Variants in YBX1 observed in about 807,000 individuals in gnomAD.
YBX1 encodes the protein Y-box-binding protein 1.
A neutral mutation model predicts 41.4 loss-of-function variants in YBX1; 3 were observed. The ratio of observed to expected loss-of-function variants is 0.07; its 90% CI spans 0.03 to 0.19. The LOEUF is 0.19. Among genes scored for constraint, YBX1 ranks in the 10% least tolerant of loss-of-function variants. The pLI, the probability that YBX1 is intolerant of heterozygous loss-of-function variation, is 1.00. For synonymous variants in YBX1, 133 were observed against 165.8 expected, an observed-to-expected ratio of 0.80 and a Z score of 1.52; for missense variants, 274 against 462.8, an observed-to-expected ratio of 0.59 and a Z score of 3.74.
At chr1:42,698,863 A>G (rs2148742032) in intron 6 of YBX1, among the ~76,000 whole-genome samples, 1 of 152,318 alleles carries the variant, frequency 6.6e-6, no homozygotes, top group Middle Eastern at 3.4e-3. Flanking sequence ...AGACTTTCCA[A>G]ACTGTGCAGG....
chr1:42,703,189 G>A lies in YBX1; in HGVS notation c.*1240G>A, dbSNP rs1650648368. Among the ~76,000 whole-genome samples, 1 of 152,132 alleles carries A rather than the reference G, an allele frequency of 6.6e-6. No individual in the cohort carries two copies. Among genetic ancestry groups the A allele is most frequent in the Non-Finnish European group, 1.5e-5 (1 of 68,012 alleles). On this transcript the variant is annotated 3_prime_UTR_variant, in exon 8 of 8. Coordinates refer to ENST00000321358, the MANE Select transcript of YBX1 (RefSeq NM_004559.5). The stretch of plus-strand genomic sequence containing the variant: ...TCCGCCCGCCTCAGCCTCCCAAAGT[G>A]CTGGGATTACAGGTGTGAGCCACCG...
intron 6 of YBX1, 30 bp from the exon 7 acceptor site, chr1:42,700,748 TATC>T (rs1650578235): frequency 6.4e-7 from 1 of 1,574,428 alleles, no homozygotes; most frequent in African/African-American, 1.4e-5. Context: ...GAGAAGGTTT[TATC>T]ATTCTTAAGT....
intron 6 of YBX1, among the ~76,000 whole-genome samples, chr1:42,698,773 T>G (rs1418609491): frequency 6.6e-6 from 1 of 152,204 alleles, no homozygotes; most frequent in Non-Finnish European, 1.5e-5. Flanking sequence ...TGTCTACGTG[T>G]TTCAATGTTT....
chr1:42,696,908 G>C lies in YBX1; in HGVS notation c.621G>C (p.Gln207His). ...YMRRPYGRRP[Q>H]YSNPPVQGEV... The stretch of plus-strand genomic sequence containing the variant: ...GGAGACCCTATGGGCGTCGACCACA[G>C]TATTCCAACCCTCCTGTGCAGGGAG... The change falls in exon 5 of 8, where the codon CAG (glutamine) becomes CAC (histidine). Residue 207 changes from glutamine to histidine, a missense_variant. This residue lies in a region of YBX1 where 187 missense variants were observed against 306.3 expected (regional missense o/e 0.61). Transcript: ENST00000321358. This position sits in a 1 kb window ranked among gnomAD's most constrained non-coding sequence, Gnocchi z 5.7. The C allele has an allele frequency of 6.4e-7, 1 of 1,568,414 alleles. No homozygotes were observed. The highest frequency in any genetic ancestry group is 8.6e-7 in the Non-Finnish European group (1 of 1,156,406).
chr1:42,685,608 A>AGGG (rs1650174545), intron 2 of YBX1, among the ~76,000 whole-genome samples: 1 of 152,180 alleles, frequency 6.6e-6, no homozygotes, highest in South Asian at 2.1e-4. Flanking sequence ...CTTATGAGGG[A>AGGG]GGGAGACAGA....
chr1:42,701,461 T>G (rs999917847), intron 7 of YBX1, among the ~76,000 whole-genome samples: 1 of 152,140 alleles, frequency 6.6e-6, no homozygotes, highest in African/African-American at 2.4e-5. Flanking sequence ...TTAACCTAGA[T>G]GGTGACAAAT....
chr1:42,682,737 G>A lies in YBX1; in HGVS notation c.166+6G>A. ...CGGGGACAAGAAGGTCATCGGTGAG[G>A]ACCGGACAGGGACGGGGGTGGGGCC... is the stretch of plus-strand genomic sequence containing the variant. On this transcript the variant is annotated splice_donor_region_variant and intron_variant, in intron 1 of 7. Transcript: ENST00000321358. 8.1e-7 allele frequency: 1 copy of A among 1,229,696 alleles called. No individual in the cohort carries two copies. The highest frequency in any genetic ancestry group is 1.0e-6 in the Non-Finnish European group (1 of 988,974). 76.2% of individuals were successfully genotyped at this position (1,229,696 alleles called of 1,614,324 possible). A position where few individuals can be genotyped will look rare whatever the true frequency, so the allele number is the denominator to read the frequency against.
In YBX1 at chr1:42,696,036, T is replaced by A. The variant is rs1421220121; in HGVS notation, c.265-163T>A. Among the ~76,000 whole-genome samples, 1 of 152,238 alleles carries A rather than the reference T, an allele frequency of 6.6e-6. No homozygotes were observed. The highest frequency in any genetic ancestry group is 1.5e-5 in the Non-Finnish European group (1 of 68,040). On this transcript the variant is annotated intron_variant, in intron 3 of 7. Coordinates refer to ENST00000321358, the MANE Select transcript of YBX1 (RefSeq NM_004559.5). This position sits in a 1 kb window ranked among gnomAD's most constrained non-coding sequence, Gnocchi z 5.7. ...GGAGTGTTTTTGTTGAAGTTGGGGATAGTGTGGTCCCCGCTTTCCTAAATT... is the reference window on the plus strand; with the variant it reads ...GGAGTGTTTTTGTTGAAGTTGGGGAAAGTGTGGTCCCCGCTTTCCTAAATT...
chr1:42,690,178 T>C (rs1041208260), intron 2 of YBX1, among the ~76,000 whole-genome samples: 4 of 151,474 alleles, frequency 2.6e-5, no homozygotes, highest in Non-Finnish European at 5.9e-5. Context: ...GCTACTGCAC[T>C]CCAGCCTAGG....
chr1:42,697,134 A>C, intron 5 of YBX1, 46 bp from the exon 6 acceptor site: 1 of 1,579,574 alleles, frequency 6.3e-7, no homozygotes, highest in Non-Finnish European at 8.6e-7. Flanking sequence ...GGGTTTTTTT[A>C]TTATATTACT....
At chr1:42,683,633 G>C (rs1285961380) in intron 2 of YBX1, among the ~76,000 whole-genome samples, 167 bp downstream of exon 2, 3 of 152,146 alleles carry the variant, frequency 2.0e-5, no homozygotes, top group African/African-American at 7.2e-5. Context: ...CCTTGATTAG[G>C]GATTAGTGGA....
intron 6 of YBX1, among the ~76,000 whole-genome samples, chr1:42,699,622 T>TG: frequency 6.6e-6 from 1 of 151,756 alleles, no homozygotes; most frequent in African/African-American, 2.4e-5. Flanking sequence ...AGGGTTGTTT[T>TG]TTTTTTTTTA....
intron 6 of YBX1, among the ~76,000 whole-genome samples, chr1:42,699,278 G>GT (rs1650537997): frequency 6.6e-6 from 1 of 152,324 alleles, no homozygotes; most frequent in African/African-American, 2.4e-5. Flanking sequence ...GAAGCCTTTG[G>GT]TTGCTAAATT....
Position 42,696,996 on chromosome 1 carries a change from T to C in YBX1, c.657+52T>C. The C allele has an allele frequency of 2.7e-6, 4 of 1,503,128 alleles. No homozygotes were observed. The highest frequency in any genetic ancestry group is 1.4e-5 in the South Asian group (1 of 72,848). The allele number at this position is 1,503,128 out of a possible 1,614,324, so 93.1% of individuals were successfully genotyped here. A position where few individuals can be genotyped will look rare whatever the true frequency, so the allele number is the denominator to read the frequency against. On this transcript the variant is annotated intron_variant, in intron 5 of 7. Transcript: ENST00000321358. The surrounding 1 kb of genome is among the most constrained non-coding windows in gnomAD (Gnocchi z 5.7). The stretch of plus-strand genomic sequence containing the variant: ...TGTGATAAGTTCTGGTAGGACTGTT[T>C]AGAGCTGTTAATTATATGGAAAGCA...
intron 2 of YBX1, among the ~76,000 whole-genome samples, chr1:42,685,921 G>GC (rs1279617914): frequency 1.3e-5 from 2 of 152,192 alleles, no homozygotes; most frequent in Non-Finnish European, 2.9e-5. Context: ...AGTAACATGA[G>GC]CATAGAGCTT....
chr1:42,686,924 A>T (rs900294981), intron 2 of YBX1, among the ~76,000 whole-genome samples: 1 of 152,190 alleles, frequency 6.6e-6, no homozygotes, highest in Non-Finnish European at 1.5e-5. Flanking sequence ...GCTGTCTCTG[A>T]AATAGACCCT....
At position 42,700,414 on chromosome 1, in the gene YBX1, G is replaced by A. The variant is rs1042949334; in HGVS notation, c.741-367G>A. Among the ~76,000 whole-genome samples the A allele has an allele frequency of 3.3e-5, 5 of 152,144 alleles. No homozygotes were observed. The East Asian group carries it at 7.7e-4, about 24-fold the overall frequency. ...AGGTCAGGAATTCAAGACCAGCCTT[G>A]GAAACATAGCAACACATCGCTACTA... On this transcript the variant is annotated intron_variant, in intron 6 of 7. Transcript: ENST00000321358.
At chr1:42,700,523 T>C (rs542828679) in intron 6 of YBX1, among the ~76,000 whole-genome samples, 1 of 150,326 alleles carries the variant, frequency 6.7e-6, no homozygotes, top group Non-Finnish European at 1.5e-5. Flanking sequence ...CACTTGAGCC[T>C]GGGAGATTGA....
intron 2 of YBX1, among the ~76,000 whole-genome samples, chr1:42,686,613 C>G (rs1650203640): frequency 6.6e-6 from 1 of 152,202 alleles, no homozygotes; most frequent in African/African-American, 2.4e-5. Context: ...TCACGCCTAT[C>G]AGGTTTAGTC....
Sources: allele counts gnomAD v4.1 joint callset (sites outside exome capture counted in the v4.1 genomes callset), GRCh38; gene constraint gnomAD v4.1.1; regional missense constraint gnomAD v4.1.1; non-coding constraint Gnocchi (gnomAD v3.1); transcripts MANE v1.5; gene names NCBI Gene and HGNC (gene_info 2026-07-23, HGNC 2026-07-21).